RPTOR: variants seen among roughly 807,000 people sequenced by gnomAD.
RPTOR encodes regulatory associated protein of MTOR complex 1, also known as regulatory-associated protein of mTOR.
A neutral mutation model predicts 169.9 loss-of-function variants in RPTOR; 21 were observed. That is an observed-to-expected ratio of 0.12 (90% CI 0.09 to 0.18). The LOEUF is 0.18. Among genes scored for constraint, RPTOR ranks in the 10% least tolerant of loss-of-function variants. The pLI, the probability that RPTOR is intolerant of heterozygous loss-of-function variation, is 1.00. For synonymous variants in RPTOR, 732 were observed against 753.2 expected (o/e 0.97, Z 0.46); for missense variants, 1,133 against 1,855.9 (o/e 0.61, Z 7.16).
At chr17:80,686,703 A>G (rs922470313) in intron 3 of RPTOR, among the ~76,000 whole-genome samples, 2 of 152,144 alleles carry the variant, frequency 1.3e-5, no homozygotes, top group African/African-American at 4.8e-5. Flanking sequence ...CGGTGTCTCA[A>G]GCACTCCACT....
At chr17:80,653,870 A>AAACC (rs760070755) in intron 3 of RPTOR, among the ~76,000 whole-genome samples, 2 of 152,174 alleles carry the variant, frequency 1.3e-5, no homozygotes, top group Non-Finnish European at 2.9e-5. Flanking sequence ...CCCTGGTCCT[A>AAACC]AACCACCTCC....
chr17:80,676,651 G>A (rs2065863211), intron 3 of RPTOR, among the ~76,000 whole-genome samples: 1 of 152,248 alleles, frequency 6.6e-6, no homozygotes. Flanking sequence ...TTGAGGTGGA[G>A]CATTAGCTAA....
At chr17:80,835,861 C>T (rs1450658101) in intron 9 of RPTOR, among the ~76,000 whole-genome samples, 9 of 152,190 alleles carry the variant, frequency 5.9e-5, no homozygotes, top group African/African-American at 1.2e-4. Flanking sequence ...CCTGTATCCG[C>T]GGAGATCAAG....
At chr17:80,888,669 C>G (rs1202615118) in intron 17 of RPTOR, among the ~76,000 whole-genome samples, 1 of 152,248 alleles carries the variant, frequency 6.6e-6, no homozygotes, top group Non-Finnish European at 1.5e-5. Flanking sequence ...CGGTTAGAAA[C>G]TAACCATGTG....
At chr17:80,835,873 CTG>C (rs758749574) in intron 9 of RPTOR, among the ~76,000 whole-genome samples, 3 of 152,218 alleles carry the variant, frequency 2.0e-5, no homozygotes, top group Non-Finnish European at 2.9e-5. Flanking sequence ...GAGATCAAGA[CTG>C]TGTTCTGTGG....
At chr17:80,875,293 C>G (rs1227112545) in intron 13 of RPTOR, among the ~76,000 whole-genome samples, 1 of 152,198 alleles carries the variant, frequency 6.6e-6, no homozygotes, top group Non-Finnish European at 1.5e-5. Context: ...ATTGTCGTGT[C>G]TGCTTGCAAA....
chr17:80,648,233 T>C (rs2065612072), intron 3 of RPTOR, among the ~76,000 whole-genome samples: 1 of 151,888 alleles, frequency 6.6e-6, no homozygotes, highest in African/African-American at 2.4e-5. Flanking sequence ...TGACTATACC[T>C]CCTGTTGGGA....
chr17:80,699,036 G>C (rs956107887), intron 3 of RPTOR, among the ~76,000 whole-genome samples: 3 of 152,226 alleles, frequency 2.0e-5, no homozygotes, highest in Non-Finnish European at 2.9e-5. Context: ...TGGGCAGTTA[G>C]ATTGTCTGCT....
intron 5 of RPTOR, among the ~76,000 whole-genome samples, chr17:80,750,776 C>T (rs925936782): frequency 1.3e-5 from 2 of 152,022 alleles, no homozygotes; most frequent in Admixed American, 6.6e-5. Context: ...TTTGCCTTCC[C>T]TCTTCCCTCT....
chr17:80,831,694 T>C (rs1268388227), intron 9 of RPTOR, among the ~76,000 whole-genome samples: 1 of 152,180 alleles, frequency 6.6e-6, no homozygotes, highest in East Asian at 1.9e-4. Context: ...TATCACTATG[T>C]ATCCCTGTGT....
chr17:80,902,592 G>A (rs963449721), intron 20 of RPTOR, among the ~76,000 whole-genome samples: 5 of 152,246 alleles, frequency 3.3e-5, no homozygotes, highest in East Asian at 1.9e-4. Flanking sequence ...CAGCCCATGC[G>A]TCTGCCCTCT....
intron 6 of RPTOR, among the ~76,000 whole-genome samples, chr17:80,790,869 C>T (rs773887258): frequency 2.6e-5 from 4 of 152,172 alleles, no homozygotes; most frequent in Non-Finnish European, 5.9e-5. Flanking sequence ...GCCAGTAGCC[C>T]GGATGGGAGG....
chr17:80,673,635 C>T (rs923016242), intron 3 of RPTOR, among the ~76,000 whole-genome samples: 2 of 152,174 alleles, frequency 1.3e-5, no homozygotes, highest in African/African-American at 2.4e-5. Flanking sequence ...TCTTGGTAGC[C>T]GGCGCTTTGA....
chr17:80,907,794 C>A (rs1351740005), intron 20 of RPTOR, among the ~76,000 whole-genome samples: 1 of 152,200 alleles, frequency 6.6e-6, no homozygotes, highest in African/African-American at 2.4e-5. Context: ...TACCCCCTCT[C>A]GCTCCACCCC....
intron 7 of RPTOR, chr17:80,804,779 C>T (rs530749102): frequency 1.3e-5 from 2 of 152,394 alleles, no homozygotes; most frequent in East Asian, 1.9e-4. Flanking sequence ...CATCCCTTCA[C>T]GTCCCTCTGC....
intron 3 of RPTOR, among the ~76,000 whole-genome samples, chr17:80,681,794 G>A (rs1255123836): frequency 2.0e-5 from 1 of 49,340 alleles, no homozygotes; most frequent in Non-Finnish European, 4.0e-5. Context: ...TTCATGAGGT[G>A]TACGTCTCTT....
Position 80,860,055 on chromosome 17 carries a change from C to A in RPTOR, c.1509+2155C>A, listed in dbSNP as rs1247685229. The stretch of plus-strand genomic sequence containing the variant: ...GGCCATGGCTTGGAGCCGGGGAAGA[C>A]CACCCTTTCCTTTTCTGTGTGGCAG... On this transcript the variant is annotated intron_variant, in intron 13 of 33. Coordinates refer to ENST00000306801, the MANE Select transcript of RPTOR (RefSeq NM_020761.3). The surrounding 1 kb of genome is among the most constrained non-coding windows in gnomAD (Gnocchi z 5.8). Among the ~76,000 whole-genome samples, 1 of 152,210 alleles carries A rather than the reference C, an allele frequency of 6.6e-6. No individual in the cohort carries two copies. Among genetic ancestry groups the A allele is most frequent in the East Asian group, 1.9e-4 (1 of 5,184 alleles).
chr17:80,582,803 C>G (rs2065025803), intron 1 of RPTOR, among the ~76,000 whole-genome samples: 1 of 152,200 alleles, frequency 6.6e-6, no homozygotes. Context: ...CTCAGCCTCC[C>G]AAAGTGCTGG....
intron 5 of RPTOR, among the ~76,000 whole-genome samples, chr17:80,737,393 ACT>A (rs2066442235): frequency 6.6e-6 from 1 of 152,008 alleles, no homozygotes. Context: ...TATGTCAGTA[ACT>A]CTCTTTAGAG....
Sources: allele counts gnomAD v4.1 joint callset (sites outside exome capture counted in the v4.1 genomes callset), GRCh38; gene constraint gnomAD v4.1.1; non-coding constraint Gnocchi (gnomAD v3.1); transcripts MANE v1.5; gene names NCBI Gene and HGNC (gene_info 2026-07-23, HGNC 2026-07-21).